The following KLRG1 variants were observed in gnomAD, a reference collection of about 807,000 sequenced individuals.
KLRG1 encodes killer cell lectin like receptor G1.
In KLRG1, 16 loss-of-function variants were observed where a neutral mutation model predicts 21.8. The ratio of observed to expected loss-of-function variants is 0.73; its 90% confidence interval spans 0.50 to 1.11. The LOEUF is 1.11. Ranked by LOEUF, KLRG1 falls within the 50% of genes most tolerant of loss-of-function variation. The pLI, the probability that KLRG1 is intolerant of heterozygous loss-of-function variation, is 0.00. For synonymous variants in KLRG1, 69 were observed against 75.9 expected, an observed-to-expected ratio of 0.91 and a Z score of 0.47; for missense variants, 173 against 218.3, an observed-to-expected ratio of 0.79 and a Z score of 1.31.
At chr12:9,149,005 A>G in the KLRG1 span, 1 of 1,610,238 alleles carries the variant, frequency 6.2e-7, no homozygotes, top group South Asian at 1.1e-5. Context: ...CTATGGAGAA[A>G]AGAAAAACGT....
the KLRG1 span, among the ~76,000 whole-genome samples, chr12:9,203,090 A>T: frequency 6.6e-6 from 1 of 152,194 alleles, no homozygotes; most frequent in Non-Finnish European, 1.5e-5. Context: ...TGTTGCATGC[A>T]AAGTTTTTAT....
intron 1 of KLRG1, among the ~76,000 whole-genome samples, chr12:8,975,486 T>A (rs1315146510): frequency 1.3e-5 from 2 of 152,224 alleles, no homozygotes; most frequent in Non-Finnish European, 2.9e-5. Flanking sequence ...CCCTTTCTAT[T>A]TCTGAAGCAT....
At chr12:9,063,081 GC>G in the KLRG1 span, among the ~76,000 whole-genome samples, 1 of 152,206 alleles carries the variant, frequency 6.6e-6, no homozygotes, top group East Asian at 1.9e-4. Context: ...ATTTGCCCAG[GC>G]TGGTCTCAAA....
the KLRG1 span, chr12:9,163,661 A>C: frequency 1.1e-5 from 17 of 1,612,482 alleles, no homozygotes; most frequent in Non-Finnish European, 1.4e-5. Context: ...TCCCAAAAAT[A>C]TGTTACCTCC....
At position 8,978,640 on chromosome 12, in the gene KLRG1, TTTTCTTTCTTTCTTTC is replaced by T. The variant is rs202186076; in HGVS notation, c.-155-13530_-155-13515del. Among the ~76,000 whole-genome samples the T allele has an allele frequency of 7.3e-3, 793 of 107,898 alleles. 8 individuals are homozygous for T. Among genetic ancestry groups the T allele is most frequent in the African/African-American group, 0.018 (601 of 33,326 alleles). The allele number at this position is 107,898 out of a possible 152,430, so 70.8% of individuals were successfully genotyped here. The stretch of plus-strand genomic sequence containing the variant: ...CAGTCTTTCTTTTTCTTTTTCTTTC[TTTTCTTTCTTTCTTTC>T]TTTCTTTCTTTCTTTCTTTCTTTCT... On this transcript the variant is annotated intron_variant, in intron 1 of 4. Transcript: ENST00000539240.
intron 3 of KLRG1, 96 bp downstream of exon 3, chr12:8,995,384 G>A: frequency 1.9e-6 from 2 of 1,045,608 alleles, no homozygotes; most frequent in East Asian, 2.6e-5. Context: ...CTCTTTTAAG[G>A]AACAGAAGGA....
intron 2 of KLRG1, among the ~76,000 whole-genome samples, chr12:8,992,984 C>T (rs1032458093): frequency 4.0e-4 from 60 of 151,636 alleles, no homozygotes; most frequent in African/African-American, 1.4e-3. Context: ...AGAAACATTT[C>T]CTTACTGCCA....
chr12:8,962,097 G>T (rs1446637494), intron 1 of KLRG1, among the ~76,000 whole-genome samples: 1 of 151,904 alleles, frequency 6.6e-6, no homozygotes, highest in Admixed American at 6.6e-5. Flanking sequence ...TGCCAGGCTT[G>T]CTAAGAAGGA....
intron 1 of KLRG1, among the ~76,000 whole-genome samples, chr12:8,973,301 A>G: frequency 6.6e-6 from 1 of 151,986 alleles, no homozygotes; most frequent in Non-Finnish European, 1.5e-5. Context: ...AATTGCCAAT[A>G]TGATAGTATT....
chr12:9,118,284 C>A, the KLRG1 span, among the ~76,000 whole-genome samples: 6 of 152,126 alleles, frequency 3.9e-5, no homozygotes, highest in Non-Finnish European at 7.4e-5. Context: ...TAACCCACTC[C>A]CTTGAAGCTG....
chr12:9,141,629 T>C, the KLRG1 span, among the ~76,000 whole-genome samples: 1 of 152,220 alleles, frequency 6.6e-6, no homozygotes, highest in Non-Finnish European at 1.5e-5. Context: ...TTTTATTTTA[T>C]TCAACTTAAA....
At chr12:9,106,202 C>T in the KLRG1 span, 2 of 1,291,650 alleles carry the variant, frequency 1.5e-6, no homozygotes, top group African/African-American at 1.5e-5. Flanking sequence ...GGTAACAGTA[C>T]ATGGGTTGAT....
chr12:9,069,766 A>T, the KLRG1 span: 1 of 1,613,084 alleles, frequency 6.2e-7, no homozygotes, highest in Middle Eastern at 1.7e-4. Context: ...AAATCAAGAC[A>T]TGGTTGCTGC....
the KLRG1 span, chr12:9,208,205 A>C: frequency 7.2e-7 from 1 of 1,397,610 alleles, no homozygotes; most frequent in East Asian, 2.3e-5. Flanking sequence ...AAGCGAAGAC[A>C]CAAGGGAGAG....
Position 8,999,760 on chromosome 12 carries a change from C to G in KLRG1, c.357+4472C>G, listed in dbSNP as rs137895324. Among the ~76,000 whole-genome samples the G allele has an allele frequency of 3.8e-4, 58 of 152,218 alleles. 2 individuals carry two copies. The highest frequency in any genetic ancestry group is 1.3e-3 in the African/African-American group (56 of 41,528). ...TGAAGATAAAACTTTCTAGACTGTC[C>G]GGGCGTGGTGGCTCACGCCTGTAAT... On this transcript the variant is annotated intron_variant, in intron 3 of 4. Coordinates refer to ENST00000356986, the MANE Select transcript of KLRG1 (RefSeq NM_005810.4).
the KLRG1 span, chr12:9,070,367 A>G: frequency 2.8e-6 from 2 of 716,524 alleles, no homozygotes; most frequent in Non-Finnish European, 4.8e-6. Flanking sequence ...CTGAGCTGGA[A>G]AAAGGATAAG....
chr12:9,106,164 G>A, the KLRG1 span: 1 of 892,726 alleles, frequency 1.1e-6, no homozygotes, highest in Non-Finnish European at 1.8e-6. Flanking sequence ...CATGGTTTTA[G>A]CACAAACCAT....
chr12:9,165,280 AG>A, the KLRG1 span: 1 of 1,614,162 alleles, frequency 6.2e-7, no homozygotes, highest in Non-Finnish European at 8.5e-7. Context: ...TACCAAGTCC[AG>A]CATCTTCGGA....
At chr12:9,021,493 T>G in the KLRG1 span, among the ~76,000 whole-genome samples, 1 of 151,122 alleles carries the variant, frequency 6.6e-6, no homozygotes, top group African/African-American at 2.4e-5. Context: ...CTCCGCCTCC[T>G]GGGTTCAAGC....
Sources: allele counts gnomAD v4.1 joint callset (sites outside exome capture counted in the v4.1 genomes callset), GRCh38; gene constraint gnomAD v4.1.1; transcripts MANE v1.5; gene names NCBI Gene and HGNC (gene_info 2026-07-23, HGNC 2026-07-21).